The following ITPR1 variants were observed in gnomAD, a reference collection of about 807,000 sequenced individuals.
ITPR1 encodes inositol 1,4,5-trisphosphate receptor type 1.
In ITPR1, 96 loss-of-function variants were observed where a neutral mutation model predicts 318.4. The ratio of observed to expected loss-of-function variants is 0.30; its 90% CI spans 0.26 to 0.36. The LOEUF is 0.36. ITPR1 is among the 10% of genes least tolerant of loss of function. ITPR1 has a pLI of 1.00. For missense variants in ITPR1, 2,440 were observed against 3,460.2 expected, an observed-to-expected ratio of 0.71 and a Z score of 7.40; for synonymous variants, 1,312 against 1,289.9, an observed-to-expected ratio of 1.02 and a Z score of -0.37.
intron 46 of ITPR1, 81 bp from the exon 47 acceptor site, chr3:4,775,161 G>C: frequency 1.0e-6 from 1 of 995,624 alleles, no homozygotes; most frequent in Non-Finnish European, 1.6e-6. Context: ...CCTATTAGAG[G>C]CTATCAGAAT....
chr3:4,666,377 A>G (rs983692750), intron 17 of ITPR1, among the ~76,000 whole-genome samples: 2 of 152,172 alleles, frequency 1.3e-5, no homozygotes, highest in African/African-American at 4.8e-5. Context: ...CTGTAATCCA[A>G]TAGCCAGAGA....
chr3:4,690,331 G>T (rs370364976), intron 31 of ITPR1, among the ~76,000 whole-genome samples: 59 of 152,290 alleles, frequency 3.9e-4, no homozygotes, highest in East Asian at 2.7e-3. Flanking sequence ...CAGACACCCT[G>T]TTGGAGAGGA....
intron 30 of ITPR1, 147 bp from the exon 31 acceptor site, chr3:4,688,348 G>C (rs996962525): frequency 1.2e-6 from 1 of 857,890 alleles, no homozygotes; most frequent in Non-Finnish European, 1.8e-6. Flanking sequence ...TCTTTTCAGC[G>C]TCAGCAGTGC....
chr3:4,567,412 G>A (rs1349310931), intron 4 of ITPR1, among the ~76,000 whole-genome samples: 1 of 152,076 alleles, frequency 6.6e-6, no homozygotes, highest in Non-Finnish European at 1.5e-5. Flanking sequence ...CTTTTTTCTT[G>A]CAACTTTAAA....
intron 60 of ITPR1, 33 bp from the exon 61 acceptor site, chr3:4,836,735 CTTTTTT>C (rs201029025): frequency 1.5e-4 from 159 of 1,070,228 alleles, no homozygotes; most frequent in South Asian, 1.3e-3. Flanking sequence ...GTGACTCAGT[CTTTTTT>C]TTTTTTTTTT....
chr3:4,792,535 T>G (rs555853951), intron 52 of ITPR1, among the ~76,000 whole-genome samples: 1 of 152,254 alleles, frequency 6.6e-6, no homozygotes, highest in Admixed American at 6.5e-5. Context: ...GCTGCCATCA[T>G]TTGAAGGCTT....
At chr3:4,571,317 T>A (rs2087959016) in intron 4 of ITPR1, among the ~76,000 whole-genome samples, 1 of 152,138 alleles carries the variant, frequency 6.6e-6, no homozygotes, top group South Asian at 2.1e-4. Context: ...TCTTTTTCTT[T>A]TTTTCTCTTC....
At chr3:4,637,494 A>G (rs1052455132) in intron 5 of ITPR1, among the ~76,000 whole-genome samples, 1 of 152,250 alleles carries the variant, frequency 6.6e-6, no homozygotes, top group Non-Finnish European at 1.5e-5. Context: ...GCTGAGGGCA[A>G]CTTGCATGCC....
chr3:4,843,808 G>A (rs1358846109), intron 61 of ITPR1, among the ~76,000 whole-genome samples: 4 of 152,100 alleles, frequency 2.6e-5, no homozygotes, highest in East Asian at 1.9e-4. Flanking sequence ...ATCAGGCCGC[G>A]GCTGTGGAAG....
intron 2 of ITPR1, among the ~76,000 whole-genome samples, chr3:4,503,779 C>T (rs2081206604): frequency 6.6e-6 from 1 of 152,144 alleles, no homozygotes; most frequent in Admixed American, 6.6e-5. Context: ...ATTTTTCTGG[C>T]TTGGTGAGAC....
At chr3:4,750,123 A>G (rs2044392042) in intron 44 of ITPR1, 1 of 152,638 alleles carries the variant, frequency 6.6e-6, no homozygotes, top group Non-Finnish European at 1.5e-5. Context: ...CCAAGATGCC[A>G]TTTTAATGAT....
intron 37 of ITPR1, among the ~76,000 whole-genome samples, chr3:4,707,975 T>C (rs1341409841): frequency 2.6e-5 from 4 of 152,280 alleles, no homozygotes; most frequent in South Asian, 4.1e-4. Flanking sequence ...GAAAGAGACA[T>C]TAATTTTAAA....
At chr3:4,703,350 A>G (rs1243470127) in intron 36 of ITPR1, among the ~76,000 whole-genome samples, 3 of 152,146 alleles carry the variant, frequency 2.0e-5, no homozygotes, top group Non-Finnish European at 2.9e-5. Flanking sequence ...CATCCTAAGG[A>G]ACACCCTTTC....
intron 4 of ITPR1, among the ~76,000 whole-genome samples, chr3:4,522,887 T>G (rs9883398): frequency 0.021 from 3,202 of 152,174 alleles, 110 homozygotes; most frequent in African/African-American, 0.073. Context: ...TGGTGACGGA[T>G]GGAGTGGGAG....
In ITPR1 at chr3:4,591,835, A is replaced by C. The variant is rs977243978; in HGVS notation, c.164-35928A>C. On this transcript the variant is annotated intron_variant, in intron 4 of 61. Transcript: ENST00000649015. Reference sequence around the variant, plus strand: ...GTATTGAACATAATGGCTCACTTCAACGTGGCTGATTTTTTTTTTAAGTCT... The same window carrying C: ...GTATTGAACATAATGGCTCACTTCACCGTGGCTGATTTTTTTTTTAAGTCT... Among the ~76,000 whole-genome samples, 5 of 152,216 alleles carry C rather than the reference A, an allele frequency of 3.3e-5. No individual in the cohort carries two copies. In the South Asian group the frequency reaches 1.0e-3, roughly 31 times the overall value.
At chr3:4,536,830 T>G (rs569857275) in intron 4 of ITPR1, among the ~76,000 whole-genome samples, 1 of 152,236 alleles carries the variant, frequency 6.6e-6, no homozygotes, top group Non-Finnish European at 1.5e-5. Context: ...ATATGGATAA[T>G]TGAGTTGATA....
At chr3:4,816,090 G>C (rs947811916) in intron 59 of ITPR1, 1 of 151,804 alleles carries the variant, frequency 6.6e-6, no homozygotes, top group Non-Finnish European at 1.5e-5. Flanking sequence ...CTAAAAACAA[G>C]AACATTCTCT....
At chr3:4,654,650 A>G (rs535530048) in intron 12 of ITPR1, among the ~76,000 whole-genome samples, 1 of 152,344 alleles carries the variant, frequency 6.6e-6, no homozygotes, top group South Asian at 2.1e-4. Context: ...CGATGATCTC[A>G]GCAGTGGGCA....
intron 19 of ITPR1, among the ~76,000 whole-genome samples, chr3:4,670,479 A>T (rs2094051572): frequency 6.6e-6 from 1 of 152,122 alleles, no homozygotes; most frequent in Non-Finnish European, 1.5e-5. Flanking sequence ...GCACCTCTCC[A>T]TTTCGGTTGT....
Sources: allele counts gnomAD v4.1 joint callset (sites outside exome capture counted in the v4.1 genomes callset), GRCh38; gene constraint gnomAD v4.1.1; transcripts MANE v1.5; gene names NCBI Gene and HGNC (gene_info 2026-07-23, HGNC 2026-07-21).